Variants in USP22 observed in about 807,000 individuals in gnomAD.
The protein encoded by USP22 is ubiquitin specific peptidase 22.
USP22 carries 22 observed loss-of-function variants against 68.1 expected under a neutral mutation model. The ratio of observed to expected loss-of-function variants is 0.32; its 90% CI spans 0.23 to 0.46. The LOEUF (loss-of-function observed/expected upper bound fraction) is 0.46. Ranked by LOEUF, USP22 falls within the 20% of genes least tolerant of loss-of-function variation. The probability of loss-of-function intolerance (pLI) is 1.00; values close to 1 mark genes in which losing one functional copy is unlikely to be tolerated. For missense variants in USP22, 433 were observed against 695.8 expected (o/e 0.62, Z 4.25); for synonymous variants, 279 against 274.2 (o/e 1.02, Z -0.17).
rs2143492720 is a variant in USP22, at chr17:21,001,842, C to CT, written c.*1188dup. ...GAATACACAGATACATGCAAGATAT[C>CT]TTACAAGAAACAATGCACATCCTTC... is the stretch of plus-strand genomic sequence containing the variant. On this transcript the variant is annotated 3_prime_UTR_variant, in exon 13 of 13. Coordinates refer to ENST00000261497, the MANE Select transcript of USP22 (RefSeq NM_015276.2). 1 of 152,378 alleles carries CT rather than the reference C, an allele frequency of 6.6e-6. No individual in the cohort carries two copies. The highest frequency in any genetic ancestry group is 2.1e-4 in the South Asian group (1 of 4,830). The allele number at this position is 152,378 out of a possible 1,614,324, so 9.4% of individuals were successfully genotyped here. A position where few individuals can be genotyped will look rare whatever the true frequency, so the allele number is the denominator to read the frequency against.
intron 5 of USP22, 66 bp from the exon 6 acceptor site, chr17:21,015,965 CA>C: frequency 1.3e-6 from 2 of 1,531,672 alleles, no homozygotes; most frequent in Non-Finnish European, 1.8e-6. Flanking sequence ...AGAGTACACA[CA>C]ATCAAAACCT....
chr17:21,022,798 C>CA (rs574597364), intron 2 of USP22, among the ~76,000 whole-genome samples: 33,584 of 127,460 alleles, frequency 0.26, 5,808 homozygotes, highest in African/African-American at 0.52. Context: ...GACTCCGTCT[C>CA]AAAAAAAAAA....
intron 7 of USP22, 139 bp downstream of exon 7, chr17:21,012,690 CG>C (rs1914007938): frequency 1.3e-6 from 1 of 748,532 alleles, no homozygotes; most frequent in South Asian, 2.0e-5. Flanking sequence ...CCACAACCTT[CG>C]CTCTCATGGC....
chr17:21,038,323 A>C (rs1442598884), intron 1 of USP22, among the ~76,000 whole-genome samples: 1 of 152,178 alleles, frequency 6.6e-6, no homozygotes, highest in African/African-American at 2.4e-5. Context: ...AGCTCTCTAC[A>C]ATGTGCTCAC....
At chr17:21,003,133 A>C in intron 12 of USP22, 60 bp from the exon 13 acceptor site, 2 of 1,594,732 alleles carry the variant, frequency 1.3e-6, no homozygotes, top group Non-Finnish European at 1.7e-6. Flanking sequence ...GAGCCAGAAC[A>C]ACCCACCCTA....
At chr17:21,015,585 T>G in intron 6 of USP22, 167 bp downstream of exon 6, 2 of 972,298 alleles carry the variant, frequency 2.1e-6, no homozygotes, top group Non-Finnish European at 2.9e-6. Context: ...TCTGAGGTCA[T>G]TAGTTATGGT....
At chr17:21,021,740 A>T (rs533485526) in intron 2 of USP22, among the ~76,000 whole-genome samples, 1 of 152,308 alleles carries the variant, frequency 6.6e-6, no homozygotes, top group East Asian at 1.9e-4. Flanking sequence ...TTTGATTGAC[A>T]TCTTGACCCA....
intron 3 of USP22, among the ~76,000 whole-genome samples, chr17:21,019,553 G>A (rs1444777158): frequency 6.6e-6 from 1 of 152,250 alleles, no homozygotes; most frequent in Admixed American, 6.5e-5. Context: ...GCAAACAAGT[G>A]AAATTGAAGG....
intron 1 of USP22, chr17:21,042,376 AGAG>A: frequency 5.9e-6 from 1 of 169,314 alleles, no homozygotes; most frequent in Non-Finnish European, 1.1e-5. Context: ...GAGGGGACAG[AGAG>A]GAGGGGGAGG....
intron 8 of USP22, among the ~76,000 whole-genome samples, chr17:21,008,329 T>C (rs1313911096): frequency 6.6e-6 from 1 of 152,188 alleles, no homozygotes; most frequent in African/African-American, 2.4e-5. Context: ...TGCACCAGAA[T>C]GTTACTCACG....
chr17:21,020,244 C>A (rs372648483), intron 3 of USP22, among the ~76,000 whole-genome samples: 51 of 73,288 alleles, frequency 7.0e-4, no homozygotes, highest in Admixed American at 1.4e-3. Context: ...AATCAAAAAC[C>A]AAAAAAAAAA....
intron 3 of USP22, among the ~76,000 whole-genome samples, chr17:21,019,559 G>A (rs1050192396): frequency 2.6e-5 from 4 of 152,266 alleles, no homozygotes; most frequent in Admixed American, 2.6e-4. Flanking sequence ...AAGTGAAATT[G>A]AAGGAGAGAG....
intron 6 of USP22, among the ~76,000 whole-genome samples, chr17:21,013,225 G>C (rs748427042): frequency 6.6e-6 from 1 of 152,162 alleles, no homozygotes; most frequent in African/African-American, 2.4e-5. Flanking sequence ...CAGAATAATC[G>C]ATTCCCATTA....
At chr17:21,040,090 G>A (rs754841778) in intron 1 of USP22, among the ~76,000 whole-genome samples, 8 of 152,166 alleles carry the variant, frequency 5.3e-5, no homozygotes, top group Non-Finnish European at 1.2e-4. Context: ...CTCAGGAGAG[G>A]CTGGAGTCCA....
intron 4 of USP22, 129 bp downstream of exon 4, chr17:21,018,955 G>T: frequency 1.1e-6 from 1 of 932,640 alleles, no homozygotes; most frequent in Non-Finnish European, 1.7e-6. Context: ...TGGTTGCTGA[G>T]CACATTGATG....
intron 1 of USP22, among the ~76,000 whole-genome samples, chr17:21,031,772 A>G (rs1972294322): frequency 6.6e-6 from 1 of 152,140 alleles, no homozygotes; most frequent in South Asian, 2.1e-4. Flanking sequence ...TACACACTCC[A>G]TTATGGTCTA....
intron 1 of USP22, chr17:21,042,418 G>A (rs1433631539): frequency 2.2e-5 from 6 of 276,098 alleles, no homozygotes; most frequent in Admixed American, 5.6e-5. Flanking sequence ...GGGAAAGGAA[G>A]AATGGGGGAA....
chr17:21,016,947 A>C (rs1972090657), intron 5 of USP22, among the ~76,000 whole-genome samples: 1 of 152,154 alleles, frequency 6.6e-6, no homozygotes, highest in African/African-American at 2.4e-5. Context: ...ACAATCTAAC[A>C]CAAGTGAGCT....
intron 11 of USP22, 81 bp from the exon 12 acceptor site, chr17:21,004,432 G>A: frequency 1.3e-6 from 2 of 1,561,216 alleles, no homozygotes; most frequent in Non-Finnish European, 1.8e-6. Flanking sequence ...AAACCAGGCA[G>A]CCCAGGCAGG....
Sources: allele counts gnomAD v4.1 joint callset (sites outside exome capture counted in the v4.1 genomes callset), GRCh38; gene constraint gnomAD v4.1.1; transcripts MANE v1.5; gene names NCBI Gene and HGNC (gene_info 2026-07-23, HGNC 2026-07-21).